FAM167A: variants seen among roughly 807,000 people sequenced by gnomAD.
The protein encoded by FAM167A is family with sequence similarity 167 member A.
FAM167A carries 23 observed loss-of-function variants against 14.9 expected under a neutral mutation model. That is an observed-to-expected ratio of 1.55 (90% confidence interval 1.11 to 2.19). The LOEUF (loss-of-function observed/expected upper bound fraction) is 2.19. Among genes scored for constraint, FAM167A ranks in the 30% most tolerant of loss-of-function variants. The probability of loss-of-function intolerance (pLI) is 0.00; values close to 1 mark genes in which losing one functional copy is unlikely to be tolerated. For synonymous variants in FAM167A, 174 were observed against 117.7 expected (o/e 1.48, Z -3.10); for missense variants, 401 against 281.5 (o/e 1.42, Z -3.04).
intron 2 of FAM167A, among the ~76,000 whole-genome samples, chr8:11,437,812 G>A (rs75837319): frequency 0.015 from 2,352 of 152,134 alleles, 74 homozygotes; most frequent in African/African-American, 0.053. Flanking sequence ...AAACGTGAAT[G>A]GGAAATAAGG....
intron 1 of FAM167A, among the ~76,000 whole-genome samples, chr8:11,475,649 C>A (rs757460424): frequency 6.6e-6 from 1 of 152,182 alleles, no homozygotes; most frequent in Non-Finnish European, 1.5e-5. Context: ...CACAAGCACA[C>A]CCATACAAAC....
At chr8:11,438,167 G>A (rs111989121) in intron 2 of FAM167A, 2 of 453,252 alleles carry the variant, frequency 4.4e-6, no homozygotes, top group Admixed American at 2.4e-5. Context: ...AAAGACTTCC[G>A]CCTGCCTCTC....
chr8:11,422,373 G>GTGTGGGTGT lies in FAM167A; in HGVS notation c.*1999_*2000insACACCCACA, dbSNP rs1554521058. ...TCTCTGTCGTGTGTGTGTGTGTGGG[G>GTGTGGGTGT]GTGTGTGTGTGTGTGTGTGTGTGTG... On this transcript the variant is annotated 3_prime_UTR_variant, in exon 3 of 3. Coordinates refer to ENST00000284486, the MANE Select transcript of FAM167A (RefSeq NM_053279.3). 8.3e-6 allele frequency: 1 copy of GTGTGGGTGT among 120,196 alleles called. No individual in the cohort carries two copies. Among genetic ancestry groups the GTGTGGGTGT allele is most frequent in the Non-Finnish European group, 1.8e-5 (1 of 55,330 alleles). 7.4% of individuals were successfully genotyped at this position (120,196 alleles called of 1,614,324 possible).
intron 2 of FAM167A, chr8:11,435,017 C>T (rs778257483): frequency 4.4e-6 from 2 of 456,784 alleles, no homozygotes; most frequent in Non-Finnish European, 8.8e-6. Flanking sequence ...TGGGCCTCCT[C>T]CCTGCCTGCC....
intron 1 of FAM167A, among the ~76,000 whole-genome samples, chr8:11,455,128 A>G (rs1563385628): frequency 6.7e-6 from 1 of 149,220 alleles, no homozygotes; most frequent in Non-Finnish European, 1.5e-5. Context: ...TTGCTGGGAT[A>G]TGTGTGTGTG....
At chr8:11,463,923 G>C (rs376661211) in intron 1 of FAM167A, among the ~76,000 whole-genome samples, 6 of 152,324 alleles carry the variant, frequency 3.9e-5, no homozygotes, top group South Asian at 4.1e-4. Flanking sequence ...TGACAACTTG[G>C]GGGGAGCTAC....
chr8:11,443,976 CAG>C, intron 2 of FAM167A, 53 bp downstream of exon 2: 1 of 1,558,008 alleles, frequency 6.4e-7, no homozygotes, highest in African/African-American at 1.4e-5. Flanking sequence ...GAAAAAGACA[CAG>C]AGAGACGGTG....
At chr8:11,443,884 G>A in intron 2 of FAM167A, 147 bp downstream of exon 2, 1 of 1,061,554 alleles carries the variant, frequency 9.4e-7, no homozygotes, top group Non-Finnish European at 1.4e-6. Context: ...CAACTCACGG[G>A]AAGATTACAG....
upstream of FAM167A, among the ~76,000 whole-genome samples, chr8:11,467,053 C>T (rs974688914): frequency 2.6e-5 from 4 of 152,228 alleles, no homozygotes; most frequent in Non-Finnish European, 5.9e-5. Context: ...GGCAACGTGA[C>T]TGCGCCACTG....
intron 2 of FAM167A, among the ~76,000 whole-genome samples, chr8:11,429,431 C>G (rs945385464): frequency 2.0e-5 from 3 of 152,194 alleles, no homozygotes; most frequent in African/African-American, 4.8e-5. Context: ...TGGAGTGCCT[C>G]CTCCTGTTTT....
chr8:11,437,248 A>G (rs756158589), intron 2 of FAM167A, among the ~76,000 whole-genome samples: 37 of 152,124 alleles, frequency 2.4e-4, no homozygotes, highest in Non-Finnish European at 4.9e-4. Flanking sequence ...TTTTAACCTC[A>G]GTTTTCTCAT....
chr8:11,474,111 G>T (rs1485328371), intron 1 of FAM167A, among the ~76,000 whole-genome samples: 1 of 152,180 alleles, frequency 6.6e-6, no homozygotes, highest in Admixed American at 6.5e-5. Flanking sequence ...CTGACCTCAG[G>T]TGATCCGCCT....
intron 1 of FAM167A, among the ~76,000 whole-genome samples, chr8:11,463,974 A>G (rs1326793093): frequency 1.3e-5 from 2 of 152,140 alleles, no homozygotes; most frequent in East Asian, 3.9e-4. Context: ...CCTGGCATGG[A>G]GAGGAGCCTG....
chr8:11,457,029 T>G (rs570997074), intron 1 of FAM167A, among the ~76,000 whole-genome samples: 1 of 61,454 alleles, frequency 1.6e-5, no homozygotes, highest in Non-Finnish European at 3.1e-5. Flanking sequence ...GGGTTAGGGG[T>G]ATGGGCGGGG....
chr8:11,465,264 T>C (rs188820897), intron 1 of FAM167A, among the ~76,000 whole-genome samples: 7 of 152,276 alleles, frequency 4.6e-5, no homozygotes, highest in Non-Finnish European at 1.0e-4. Context: ...TCTGCCCCTC[T>C]CTGGGCCTTA....
At chr8:11,438,091 AC>A in intron 2 of FAM167A, 1 of 455,694 alleles carries the variant, frequency 2.2e-6, no homozygotes, top group Non-Finnish European at 4.4e-6. Flanking sequence ...GCCTCACCCC[AC>A]CCCAGCACGG....
Position 11,421,839 on chromosome 8 carries a change from G to A in FAM167A, c.*2534C>T, listed in dbSNP as rs1804752400. The A allele has an allele frequency of 2.5e-6, 1 of 398,568 alleles. No individual in the cohort carries two copies. Among genetic ancestry groups the A allele is most frequent in the African/African-American group, 2.1e-5 (1 of 48,620 alleles). The allele number at this position is 398,568 out of a possible 1,614,324, so 24.7% of individuals were successfully genotyped here. A position where few individuals can be genotyped will look rare whatever the true frequency, so the allele number is the denominator to read the frequency against. Reference sequence around the variant, plus strand: ...TACACATGTGGTGAGCCAGGAGGCTGGGACGGAGGTTAGGCCAATGTTGCT... The same window carrying A: ...TACACATGTGGTGAGCCAGGAGGCTAGGACGGAGGTTAGGCCAATGTTGCT... On this transcript the variant is annotated 3_prime_UTR_variant, in exon 3 of 3. Transcript: ENST00000284486.
At chr8:11,428,264 G>T (rs2116997569) in intron 2 of FAM167A, among the ~76,000 whole-genome samples, 1 of 152,316 alleles carries the variant, frequency 6.6e-6, no homozygotes, top group South Asian at 2.1e-4. Context: ...GTAGCAGGAA[G>T]GAAGGGGCTG....
chr8:11,426,888 G>C (rs1422658083), intron 2 of FAM167A, among the ~76,000 whole-genome samples: 1 of 152,154 alleles, frequency 6.6e-6, no homozygotes, highest in Non-Finnish European at 1.5e-5. Flanking sequence ...GAAGCAATCA[G>C]GTATGCATTC....
Sources: gnomAD v4.1 joint callset for allele counts (sites outside exome capture counted in the v4.1 genomes callset) on GRCh38, gnomAD v4.1.1 for gene constraint, MANE v1.5 for transcripts, NCBI Gene and HGNC (gene_info 2026-07-23, HGNC 2026-07-21) for gene names.